Variants in WWC1 observed in about 807,000 individuals in gnomAD.
WWC1 encodes the protein WW and C2 domain containing 1, also known as protein KIBRA.
A neutral mutation model predicts 138.4 loss-of-function variants in WWC1; 55 were observed. That is an observed-to-expected ratio of 0.40 (90% CI 0.32 to 0.50). The LOEUF is 0.50. WWC1 is among the 20% of genes least tolerant of loss of function. WWC1 has a pLI of 0.72. For missense variants in WWC1, 1,226 were observed against 1,420.4 expected, an observed-to-expected ratio of 0.86 and a Z score of 2.20; for synonymous variants, 524 against 564.9, an observed-to-expected ratio of 0.93 and a Z score of 1.03.
intron 1 of WWC1, among the ~76,000 whole-genome samples, chr5:168,353,273 A>G (rs936625740): frequency 2.6e-5 from 4 of 152,112 alleles, no homozygotes; most frequent in Non-Finnish European, 5.9e-5. Flanking sequence ...CCTACTCCCT[A>G]GGCTTTCCTG....
chr5:168,396,773 T>C (rs977982584), intron 3 of WWC1, among the ~76,000 whole-genome samples: 1 of 152,220 alleles, frequency 6.6e-6, no homozygotes, highest in East Asian at 1.9e-4. Flanking sequence ...AAATCCTTTT[T>C]CAAGACATTA....
intron 2 of WWC1, among the ~76,000 whole-genome samples, chr5:168,381,609 C>A (rs956699061): frequency 1.3e-5 from 2 of 152,104 alleles, no homozygotes; most frequent in African/African-American, 4.8e-5. Context: ...AAAAAATTCT[C>A]CCGGGTGATT....
intron 2 of WWC1, among the ~76,000 whole-genome samples, chr5:168,373,054 A>T (rs1158228794): frequency 6.6e-6 from 1 of 152,238 alleles, no homozygotes; most frequent in Admixed American, 6.5e-5. Flanking sequence ...GGTTTTTATT[A>T]GCACTCATGA....
At chr5:168,397,072 G>A (rs1231983457) in intron 3 of WWC1, among the ~76,000 whole-genome samples, 1 of 151,046 alleles carries the variant, frequency 6.6e-6, no homozygotes, top group Non-Finnish European at 1.5e-5. Context: ...GTTCTCTTTG[G>A]TATTTTTTTC....
intron 20 of WWC1, among the ~76,000 whole-genome samples, chr5:168,462,188 C>T (rs2152892971): frequency 6.6e-6 from 1 of 152,314 alleles, no homozygotes; most frequent in East Asian, 1.9e-4. Flanking sequence ...CAGCCAGAAT[C>T]TGGTCCTTTG....
Position 168,431,233 on chromosome 5 carries a change from C to A in WWC1, c.2088-19C>A, listed in dbSNP as rs201814355. 1.1e-5 allele frequency: 18 copies of A among 1,592,124 alleles called. No individual in the cohort carries two copies. The highest frequency in any genetic ancestry group is 1.3e-5 in the Non-Finnish European group (15 of 1,168,560). On this transcript the variant is annotated intron_variant, in intron 14 of 22. Coordinates refer to ENST00000265293, the MANE Select transcript of WWC1 (RefSeq NM_015238.3). ...ACATGGGCTGACCCAAGATTTCCTG[C>A]GGTTCTGTCTCCCTCTAGGAATATC...
intron 1 of WWC1, among the ~76,000 whole-genome samples, chr5:168,342,202 G>A (rs1774091236): frequency 6.6e-6 from 1 of 152,168 alleles, no homozygotes; most frequent in Admixed American, 6.5e-5. Flanking sequence ...ACCTCCAACT[G>A]GCCTGGTTTT....
At chr5:168,344,707 G>T (rs1774329247) in intron 1 of WWC1, among the ~76,000 whole-genome samples, 1 of 152,208 alleles carries the variant, frequency 6.6e-6, no homozygotes, top group African/African-American at 2.4e-5. Context: ...GGAAGCAGGG[G>T]CTGCTTGACA....
intron 5 of WWC1, among the ~76,000 whole-genome samples, chr5:168,403,089 T>TTC (rs1478075834): frequency 9.2e-6 from 1 of 108,990 alleles, no homozygotes. Context: ...TTTTCTTTCT[T>TTC]TTCTTTCTTT....
chr5:168,347,784 A>G (rs1476882459), intron 1 of WWC1, among the ~76,000 whole-genome samples: 2 of 152,140 alleles, frequency 1.3e-5, no homozygotes. Flanking sequence ...AAATCCCTAT[A>G]TATTTATGAT....
chr5:168,358,034 CTT>C (rs1304546178), intron 1 of WWC1, among the ~76,000 whole-genome samples: 1 of 152,186 alleles, frequency 6.6e-6, no homozygotes, highest in East Asian at 1.9e-4. Flanking sequence ...TGTGCAAACA[CTT>C]GGGAATCCAC....
At chr5:168,399,027 A>C (rs565628833) in intron 4 of WWC1, among the ~76,000 whole-genome samples, 34 of 152,332 alleles carry the variant, frequency 2.2e-4, no homozygotes, top group African/African-American at 7.9e-4. Flanking sequence ...TTGCCACTAA[A>C]GTTACTAAGT....
At chr5:168,336,801 G>A (rs115545112) in intron 1 of WWC1, among the ~76,000 whole-genome samples, 222 of 152,232 alleles carry the variant, frequency 1.5e-3, no homozygotes, top group African/African-American at 4.8e-3. Context: ...AGAGTTAAAC[G>A]GAATTGGTTG....
At chr5:168,436,140 G>A (rs990442428) in intron 15 of WWC1, among the ~76,000 whole-genome samples, 3 of 152,042 alleles carry the variant, frequency 2.0e-5, no homozygotes, top group Non-Finnish European at 4.4e-5. Flanking sequence ...ACCGTGCCTG[G>A]CCTGGCCCTC....
chr5:168,385,107 G>A (rs1193944960), intron 2 of WWC1, 104 bp from the exon 3 acceptor site: 1 of 1,097,096 alleles, frequency 9.1e-7, no homozygotes, highest in African/African-American at 1.6e-5. Flanking sequence ...ATTGTGATTT[G>A]TCTATGCATT....
At chr5:168,353,667 C>A (rs899567865) in intron 1 of WWC1, among the ~76,000 whole-genome samples, 2 of 152,254 alleles carry the variant, frequency 1.3e-5, no homozygotes, top group Admixed American at 1.3e-4. Flanking sequence ...TGCCGTCAGG[C>A]CAATCAAGCG....
In WWC1 at chr5:168,431,453, C is replaced by G; in HGVS notation, c.2280+9C>G. On this transcript the variant is annotated intron_variant, in intron 15 of 22. Transcript: ENST00000265293. ...ATCTGGAAGAGTGCCTGGTAAGGGC[C>G]GTGTCTGGCTGGCTGGCTGGCTGGC... 2 of 1,569,232 alleles carry G rather than the reference C, an allele frequency of 1.3e-6. No individual in the cohort carries two copies. The highest frequency in any genetic ancestry group is 1.7e-6 in the Non-Finnish European group (2 of 1,167,368).
intron 1 of WWC1, among the ~76,000 whole-genome samples, chr5:168,325,004 G>A (rs1376124934): frequency 6.6e-6 from 1 of 152,226 alleles, no homozygotes; most frequent in East Asian, 1.9e-4. Flanking sequence ...GGATCCAGTA[G>A]AGCAAGCTTT....
intron 16 of WWC1, among the ~76,000 whole-genome samples, chr5:168,443,349 CA>C (rs2152873399): frequency 6.6e-6 from 1 of 152,198 alleles, no homozygotes; most frequent in African/African-American, 2.4e-5. Context: ...TCATCATCAT[CA>C]TTTTCTGTAC....
Sources: allele counts gnomAD v4.1 joint callset (sites outside exome capture counted in the v4.1 genomes callset), GRCh38; gene constraint gnomAD v4.1.1; transcripts MANE v1.5; gene names NCBI Gene and HGNC (gene_info 2026-07-23, HGNC 2026-07-21).